Variants in PALM2AKAP2 observed in about 807,000 individuals in gnomAD.
The protein encoded by PALM2AKAP2 is PALM2-AKAP2 fusion protein.
In PALM2AKAP2, 37 loss-of-function variants were observed where a neutral mutation model predicts 71.5. That is an observed-to-expected ratio of 0.52 (90% CI 0.40 to 0.68). The LOEUF is 0.68. PALM2AKAP2 is among the 30% of genes least tolerant of loss of function. PALM2AKAP2 has a pLI of 0.00. For synonymous variants in PALM2AKAP2, 468 were observed against 478.8 expected (o/e 0.98, Z 0.29); for missense variants, 1,224 against 1,191.8 (o/e 1.03, Z -0.40).
chr9:110,116,366 G>A (rs1372928712), intron 1 of PALM2AKAP2, among the ~76,000 whole-genome samples: 2 of 151,556 alleles, frequency 1.3e-5, no homozygotes, highest in African/African-American at 2.4e-5. Flanking sequence ...GTGTGTGCGT[G>A]TGTGTGTGCG....
intron 3 of PALM2AKAP2, among the ~76,000 whole-genome samples, chr9:109,887,568 T>C (rs980876994): frequency 2.4e-4 from 36 of 152,344 alleles, no homozygotes; most frequent in Non-Finnish European, 3.5e-4. Flanking sequence ...CTAGCTTTTC[T>C]GCCTCCATTT....
At chr9:110,044,032 T>C (rs577098356), upstream of PALM2AKAP2, among the ~76,000 whole-genome samples, 4 of 152,256 alleles carry the variant, frequency 2.6e-5, no homozygotes, top group Admixed American at 2.6e-4. Flanking sequence ...GTTTGTTTTT[T>C]CTATTAAGGA....
At chr9:109,952,414 C>A (rs1289594053) in intron 6 of PALM2AKAP2, among the ~76,000 whole-genome samples, 1 of 152,206 alleles carries the variant, frequency 6.6e-6, no homozygotes, top group Non-Finnish European at 1.5e-5. Flanking sequence ...GTAAATGAAT[C>A]AGTTGGGAGT....
rs976195897 is a variant in PALM2AKAP2, at chr9:109,819,344, TA to T, written c.45+38812del. The stretch of plus-strand genomic sequence containing the variant: ...GTGTAATCCAGATGAGAAATGAAGA[TA>T]GGGGGCGAGCAACAAAGTTGAAAGA... On this transcript the variant is annotated intron_variant, in intron 1 of 9. Transcript: ENST00000302798. Among the ~76,000 whole-genome samples the T allele has an allele frequency of 3.3e-5, 5 of 152,194 alleles. No individual in the cohort carries two copies. In the East Asian group the frequency reaches 5.8e-4, roughly 18 times the overall value.
intron 1 of PALM2AKAP2, among the ~76,000 whole-genome samples, chr9:110,128,205 C>T (rs1408404668): frequency 6.6e-6 from 1 of 152,192 alleles, no homozygotes; most frequent in Non-Finnish European, 1.5e-5. Context: ...CCTTCCATCC[C>T]ACCCTCACCC....
At chr9:109,667,541 G>A (rs920967425) in intron 1 of PALM2AKAP2, among the ~76,000 whole-genome samples, 4 of 152,212 alleles carry the variant, frequency 2.6e-5, no homozygotes, top group Non-Finnish European at 5.9e-5. Flanking sequence ...TGTAATCCCA[G>A]CACTTTGGGA....
At chr9:110,047,146 T>A (rs1387598688), upstream of PALM2AKAP2, among the ~76,000 whole-genome samples, 3 of 152,200 alleles carry the variant, frequency 2.0e-5, no homozygotes, top group African/African-American at 7.2e-5. Context: ...AGCTCTGGCA[T>A]CTCTAACCAC....
chr9:109,748,667 C>T (rs1828839393), intron 1 of PALM2AKAP2, among the ~76,000 whole-genome samples: 1 of 152,170 alleles, frequency 6.6e-6, no homozygotes, highest in Admixed American at 6.5e-5. Context: ...CTGGGAATTA[C>T]ACTTTGATTT....
intron 1 of PALM2AKAP2, among the ~76,000 whole-genome samples, chr9:109,801,145 G>A (rs1473821008): frequency 6.6e-6 from 1 of 152,220 alleles, no homozygotes; most frequent in Non-Finnish European, 1.5e-5. Context: ...AAACATTTCA[G>A]CTCAGCAGAC....
At chr9:110,030,797 T>C (rs1564268988) in intron 7 of PALM2AKAP2, among the ~76,000 whole-genome samples, 1 of 152,308 alleles carries the variant, frequency 6.6e-6, no homozygotes, top group South Asian at 2.1e-4. Flanking sequence ...GTAAATTGTA[T>C]GTAAAAAGAT....
intron 1 of PALM2AKAP2, among the ~76,000 whole-genome samples, chr9:109,720,084 G>A (rs1056848426): frequency 1.3e-5 from 2 of 152,178 alleles, no homozygotes; most frequent in East Asian, 1.9e-4. Flanking sequence ...TGCCTCCTGG[G>A]TTCAAGTGAT....
At chr9:109,836,845 A>C (rs900648262) in intron 1 of PALM2AKAP2, among the ~76,000 whole-genome samples, 1 of 152,224 alleles carries the variant, frequency 6.6e-6, no homozygotes, top group Non-Finnish European at 1.5e-5. Flanking sequence ...AGTAAAAAGA[A>C]ATGAACAAAG....
At chr9:109,871,195 A>G (rs1298008827) in intron 2 of PALM2AKAP2, among the ~76,000 whole-genome samples, 2 of 152,186 alleles carry the variant, frequency 1.3e-5, no homozygotes, top group African/African-American at 4.8e-5. Flanking sequence ...TTATTGCAAT[A>G]TTTAGGAACA....
At chr9:110,070,864 C>T (rs770415500) in intron 1 of PALM2AKAP2, among the ~76,000 whole-genome samples, 9 of 152,028 alleles carry the variant, frequency 5.9e-5, no homozygotes, top group Admixed American at 2.6e-4. Flanking sequence ...CGGCAAGTTT[C>T]GAATTAGAAA....
chr9:109,912,460 C>T (rs1204118914), intron 3 of PALM2AKAP2, among the ~76,000 whole-genome samples: 2 of 152,134 alleles, frequency 1.3e-5, no homozygotes, highest in African/African-American at 2.4e-5. Flanking sequence ...AATGATCTGC[C>T]GTGACTCCAG....
chr9:110,043,697 A>G (rs975477784), upstream of PALM2AKAP2, among the ~76,000 whole-genome samples: 4 of 149,458 alleles, frequency 2.7e-5, no homozygotes, highest in African/African-American at 9.9e-5. Flanking sequence ...ATTTATCTGT[A>G]AACTACGTTT....
intron 6 of PALM2AKAP2, among the ~76,000 whole-genome samples, chr9:109,956,756 T>C (rs932540774): frequency 1.9e-4 from 29 of 152,196 alleles, no homozygotes; most frequent in Non-Finnish European, 2.2e-4. Flanking sequence ...GTCAAAAACA[T>C]AGCTCCATCT....
intron 1 of PALM2AKAP2, among the ~76,000 whole-genome samples, chr9:109,748,674 A>G (rs934813422): frequency 6.6e-6 from 1 of 152,120 alleles, no homozygotes; most frequent in Non-Finnish European, 1.5e-5. Context: ...TTACACTTTG[A>G]TTTTGGGGTA....
intron 1 of PALM2AKAP2, among the ~76,000 whole-genome samples, chr9:109,672,843 G>T (rs192138273): frequency 2.6e-5 from 4 of 151,816 alleles, no homozygotes; most frequent in Non-Finnish European, 5.9e-5. Flanking sequence ...GAGGGTATAT[G>T]TGTCCAGGAA....
Sources: gnomAD v4.1 joint callset for allele counts (sites outside exome capture counted in the v4.1 genomes callset) on GRCh38, gnomAD v4.1.1 for gene constraint, MANE v1.5 for transcripts, NCBI Gene and HGNC (gene_info 2026-07-23, HGNC 2026-07-21) for gene names.